The following POU6F2 variants were observed in gnomAD, a reference collection of about 807,000 sequenced individuals.
POU6F2 encodes the protein POU domain, class 6, transcription factor 2.
A neutral mutation model predicts 71.3 loss-of-function variants in POU6F2; 31 were observed. The observed-to-expected ratio is 0.43, with a 90% CI of 0.33 to 0.59. The LOEUF (loss-of-function observed/expected upper bound fraction) is 0.59. Among genes scored for constraint, POU6F2 ranks in the 20% least tolerant of loss-of-function variants. POU6F2 has a pLI of 0.04. For missense variants in POU6F2, 783 were observed against 856.8 expected, an observed-to-expected ratio of 0.91 and a Z score of 1.07; for synonymous variants, 347 against 355.7, an observed-to-expected ratio of 0.98 and a Z score of 0.27.
At chr7:39,269,750 CA>C (rs1478495378) in intron 4 of POU6F2, among the ~76,000 whole-genome samples, 2 of 152,154 alleles carry the variant, frequency 1.3e-5, no homozygotes, top group African/African-American at 4.8e-5. Flanking sequence ...TGGTGCAAGC[CA>C]GGAGCTTGGG....
chr7:39,429,280 A>G (rs1417066850), intron 6 of POU6F2, among the ~76,000 whole-genome samples: 1 of 151,856 alleles, frequency 6.6e-6, no homozygotes, highest in South Asian at 2.1e-4. Flanking sequence ...CCTTCCCCAA[A>G]TCGTACCCAA....
At chr7:39,218,382 C>T (rs1794283210) in intron 4 of POU6F2, among the ~76,000 whole-genome samples, 1 of 152,080 alleles carries the variant, frequency 6.6e-6, no homozygotes, top group Non-Finnish European at 1.5e-5. Flanking sequence ...AAATCGGAGA[C>T]AGTTCCCAAT....
At chr7:39,308,654 T>C (rs6462909) in intron 4 of POU6F2, among the ~76,000 whole-genome samples, 104,240 of 152,004 alleles carry the variant, frequency 0.69, 35,778 homozygotes, top group Admixed American at 0.77. Context: ...CTGTCCCCTC[T>C]CTCATACCAG....
chr7:39,397,814 G>GTGTATATATATATATATATATATA (rs1554349981), intron 5 of POU6F2, among the ~76,000 whole-genome samples: 3 of 128,448 alleles, frequency 2.3e-5, no homozygotes, highest in African/African-American at 9.8e-5. Flanking sequence ...TATATTTTGT[G>GTGTATATATATATATATATATATA]TATATATATA....
chr7:39,328,561 G>C (rs938850729), intron 4 of POU6F2, among the ~76,000 whole-genome samples: 1 of 152,194 alleles, frequency 6.6e-6, no homozygotes, highest in Non-Finnish European at 1.5e-5. Context: ...GGCTGGATCA[G>C]AATATCACAA....
intron 2 of POU6F2, among the ~76,000 whole-genome samples, chr7:39,131,039 G>C (rs1183950577): frequency 6.6e-6 from 1 of 152,220 alleles, no homozygotes; most frequent in African/African-American, 2.4e-5. Context: ...ATTGAGAAGT[G>C]TGTATAAAGG....
At chr7:39,024,857 A>G (rs1789762767) in intron 1 of POU6F2, among the ~76,000 whole-genome samples, 1 of 152,130 alleles carries the variant, frequency 6.6e-6, no homozygotes, top group Non-Finnish European at 1.5e-5. Flanking sequence ...GATGAAGCCC[A>G]CTTGATCATG....
chr7:39,015,628 A>ATATAT (rs1789468920), intron 1 of POU6F2, among the ~76,000 whole-genome samples: 1 of 88,986 alleles, frequency 1.1e-5, no homozygotes, highest in African/African-American at 4.3e-5. Flanking sequence ...TACATTATAG[A>ATATAT]TATATCTATG....
chr7:39,385,990 C>T (rs1020639453), intron 5 of POU6F2, among the ~76,000 whole-genome samples: 12 of 151,868 alleles, frequency 7.9e-5, no homozygotes, highest in Non-Finnish European at 1.3e-4. Flanking sequence ...TGGTGGCGGG[C>T]GCCTATAGTC....
At chr7:39,403,043 C>T (rs1400637574) in intron 5 of POU6F2, among the ~76,000 whole-genome samples, 1 of 152,154 alleles carries the variant, frequency 6.6e-6, no homozygotes, top group African/African-American at 2.4e-5. Context: ...TTTTCATACC[C>T]ATTTTACCCC....
intron 2 of POU6F2, among the ~76,000 whole-genome samples, chr7:39,091,594 G>A (rs537188458): frequency 6.6e-6 from 1 of 152,126 alleles, no homozygotes; most frequent in East Asian, 1.9e-4. Flanking sequence ...GAATGTCTTG[G>A]ATGTTTCTGA....
intron 2 of POU6F2, among the ~76,000 whole-genome samples, chr7:39,152,157 G>T (rs957534652): frequency 1.3e-5 from 2 of 152,112 alleles, no homozygotes; most frequent in Admixed American, 6.5e-5. Flanking sequence ...GTATCATGAA[G>T]ATTCTTATCA....
intron 1 of POU6F2, among the ~76,000 whole-genome samples, chr7:39,003,337 T>A (rs1788966308): frequency 6.6e-6 from 1 of 152,008 alleles, no homozygotes; most frequent in South Asian, 2.1e-4. Flanking sequence ...TAGTAAGTTG[T>A]TTTCACCTTT....
At chr7:39,447,316 T>C (rs1336615849) in intron 7 of POU6F2, among the ~76,000 whole-genome samples, 2 of 152,194 alleles carry the variant, frequency 1.3e-5, no homozygotes, top group South Asian at 2.1e-4. Flanking sequence ...ATCTATCAGT[T>C]TGAACATACC....
At chr7:39,137,356 A>C (rs541287443) in intron 2 of POU6F2, among the ~76,000 whole-genome samples, 1 of 152,222 alleles carries the variant, frequency 6.6e-6, no homozygotes, top group Non-Finnish European at 1.5e-5. Context: ...GGGACATGTC[A>C]AATAAATTAC....
intron 4 of POU6F2, among the ~76,000 whole-genome samples, chr7:39,331,283 A>G (rs566113042): frequency 6.6e-6 from 1 of 152,286 alleles, no homozygotes; most frequent in South Asian, 2.1e-4. Context: ...GTCTTTGTAT[A>G]TACATCTAAT....
chr7:39,005,262 G>A (rs1789025896), intron 1 of POU6F2: 1 of 152,212 alleles, frequency 6.6e-6, no homozygotes, highest in Admixed American at 6.5e-5. Flanking sequence ...ATTCCAACTA[G>A]GTCGATGCTT....
In POU6F2 at chr7:39,020,769, C is replaced by G. The variant is rs1789665532; in HGVS notation, c.105+42711C>G. 3.1e-5 allele frequency among the ~76,000 whole-genome samples: 4 copies of G among 128,610 alleles called. No homozygotes were observed. The South Asian group carries it at 1.1e-3, about 35-fold the overall frequency. 84.4% of individuals were successfully genotyped at this position (128,610 alleles called of 152,430 possible). On this transcript the variant is annotated intron_variant, in intron 1 of 9. Transcript: ENST00000518318. Reference sequence around the variant, plus strand: ...TAAAAGTTCTTTGCCTAATGTATTTCTAGGTTAGATTTTTTTTTTTTAATG... The same window carrying G: ...TAAAAGTTCTTTGCCTAATGTATTTGTAGGTTAGATTTTTTTTTTTTAATG...
At chr7:39,044,890 A>G (rs763041471) in intron 1 of POU6F2, among the ~76,000 whole-genome samples, 2 of 151,962 alleles carry the variant, frequency 1.3e-5, no homozygotes, top group African/African-American at 2.4e-5. Context: ...AAGGGCAATT[A>G]TCAGTCCTCT....
Sources: gnomAD v4.1 joint callset for allele counts (sites outside exome capture counted in the v4.1 genomes callset) on GRCh38, gnomAD v4.1.1 for gene constraint, MANE v1.5 for transcripts, NCBI Gene and HGNC (gene_info 2026-07-23, HGNC 2026-07-21) for gene names.